The following DSCAM variants were observed in gnomAD, a reference collection of about 807,000 sequenced individuals.
DSCAM encodes DS cell adhesion molecule.
A neutral mutation model predicts 217.7 loss-of-function variants in DSCAM; 47 were observed. That is an observed-to-expected ratio of 0.22 (90% confidence interval 0.17 to 0.28). The LOEUF (loss-of-function observed/expected upper bound fraction) is 0.28. Among genes scored for constraint, DSCAM ranks in the 10% least tolerant of loss-of-function variants. The pLI is 1.00. For synonymous variants in DSCAM, 1,056 were observed against 1,015.3 expected (o/e 1.04, Z -0.76); for missense variants, 2,080 against 2,618.3 (o/e 0.79, Z 4.49).
chr21:40,429,846 C>T (rs997488155), intron 3 of DSCAM, among the ~76,000 whole-genome samples: 5 of 152,040 alleles, frequency 3.3e-5, no homozygotes, highest in South Asian at 2.1e-4. Context: ...CTATGCTGGG[C>T]GCTATTCCAG....
intron 3 of DSCAM, among the ~76,000 whole-genome samples, chr21:40,428,223 G>A (rs2075494568): frequency 6.6e-6 from 1 of 150,408 alleles, no homozygotes; most frequent in Non-Finnish European, 1.5e-5. Flanking sequence ...GTGACCATGA[G>A]GGCAAATACT....
chr21:40,511,629 C>T (rs1293769130), intron 3 of DSCAM, among the ~76,000 whole-genome samples: 1 of 152,040 alleles, frequency 6.6e-6, no homozygotes, highest in Admixed American at 6.6e-5. Context: ...AGTTACAACC[C>T]TGCACTTCCA....
At chr21:40,799,586 A>C (rs962205046) in intron 1 of DSCAM, among the ~76,000 whole-genome samples, 1 of 152,208 alleles carries the variant, frequency 6.6e-6, no homozygotes, top group Admixed American at 6.5e-5. Context: ...TTGAAGGAAC[A>C]TGGGGAATAT....
chr21:40,535,534 G>A (rs1568886093), intron 3 of DSCAM, among the ~76,000 whole-genome samples: 1 of 152,176 alleles, frequency 6.6e-6, no homozygotes. Context: ...TCCTACTGTA[G>A]AGACTCAACT....
chr21:40,414,052 G>T (rs2075348034), intron 3 of DSCAM, among the ~76,000 whole-genome samples: 1 of 152,164 alleles, frequency 6.6e-6, no homozygotes, highest in South Asian at 2.1e-4. Context: ...GAAAACGGAA[G>T]TGACCTTAGG....
intron 3 of DSCAM, among the ~76,000 whole-genome samples, chr21:40,498,375 AAT>A (rs1415960910): frequency 6.6e-6 from 1 of 151,844 alleles, no homozygotes; most frequent in Non-Finnish European, 1.5e-5. Context: ...TAAACAAAGC[AAT>A]GCGTATAAAA....
At chr21:40,329,864 G>A (rs1473058758) in intron 8 of DSCAM, among the ~76,000 whole-genome samples, 4 of 151,998 alleles carry the variant, frequency 2.6e-5, no homozygotes, top group African/African-American at 9.7e-5. Flanking sequence ...GTAGAAAGGA[G>A]AATGGTGGTT....
chr21:40,448,157 A>T, intron 3 of DSCAM, among the ~76,000 whole-genome samples: 1 of 152,198 alleles, frequency 6.6e-6, no homozygotes, highest in Non-Finnish European at 1.5e-5. Flanking sequence ...TAGCTGGTGA[A>T]ACATTAATTC....
Position 40,041,025 on chromosome 21 carries a change from C to T in DSCAM, c.5686+1346G>A, listed in dbSNP as rs570208258. Among the ~76,000 whole-genome samples, 6 of 152,250 alleles carry T rather than the reference C, an allele frequency of 3.9e-5. No individual in the cohort carries two copies. In the South Asian group the frequency reaches 1.0e-3, roughly 26 times the overall value. On this transcript the variant is annotated intron_variant, in intron 32 of 32. Transcript: ENST00000400454. ...AATGAAAATAAAGGAAGCCATCATT[C>T]TTTATTGGATGCTGGCATGAATCTT...
rs1345238968 is a variant in DSCAM at position 40,042,393 on chromosome 21, T to C, written c.5664A>G (p.Ala1888=). 1 of 1,614,094 alleles carries C rather than the reference T, an allele frequency of 6.2e-7. No homozygotes were observed. The highest frequency in any genetic ancestry group is 8.5e-7 in the Non-Finnish European group (1 of 1,179,974). ...TACCTGGCCGATGTGCCTTTGGAACTGCCATATTCATTACTCTTCCTCCAT... is the reference window on the plus strand; with the variant it reads ...TACCTGGCCGATGTGCCTTTGGAACCGCCATATTCATTACTCTTCCTCCAT... The part of the protein sequence containing the change: ...PQDGGRVMNM[A]VPKAHRPGDL... Residue 1888 remains alanine (A), a synonymous_variant, in exon 32 of 33, where the codon GCA becomes GCG. Transcript: ENST00000400454.
intron 1 of DSCAM, among the ~76,000 whole-genome samples, chr21:40,713,071 G>A (rs917145651): frequency 9.9e-5 from 15 of 152,230 alleles, no homozygotes; most frequent in Non-Finnish European, 2.1e-4. Flanking sequence ...GTCTCAAGAA[G>A]TGTCTTGTTC....
At chr21:40,746,269 G>C (rs150346065) in intron 1 of DSCAM, among the ~76,000 whole-genome samples, 638 of 151,218 alleles carry the variant, frequency 4.2e-3, no homozygotes, top group African/African-American at 0.014. Context: ...TGACTGAATG[G>C]ATTTTTAAAA....
At chr21:40,274,693 C>T (rs1467329739) in intron 11 of DSCAM, among the ~76,000 whole-genome samples, 1 of 152,152 alleles carries the variant, frequency 6.6e-6, no homozygotes. Context: ...ACATCATTTC[C>T]TCCAGAGCAT....
intron 11 of DSCAM, among the ~76,000 whole-genome samples, chr21:40,200,488 T>C (rs1439109819): frequency 6.6e-6 from 1 of 152,242 alleles, no homozygotes; most frequent in Non-Finnish European, 1.5e-5. Flanking sequence ...AATTTCCTTC[T>C]TTTCTAAGCC....
intron 11 of DSCAM, among the ~76,000 whole-genome samples, chr21:40,228,683 C>G (rs1402566147): frequency 3.4e-5 from 5 of 146,884 alleles, no homozygotes; most frequent in African/African-American, 1.3e-4. Flanking sequence ...TTTTCTAACT[C>G]TACAAGAAGT....
intron 3 of DSCAM, among the ~76,000 whole-genome samples, chr21:40,398,969 T>C (rs1343453094): frequency 6.6e-6 from 1 of 152,208 alleles, no homozygotes; most frequent in Admixed American, 6.5e-5. Flanking sequence ...GAATGAATGA[T>C]TCAGCCAAAT....
intron 11 of DSCAM, among the ~76,000 whole-genome samples, chr21:40,241,718 TAAG>T (rs1202584958): frequency 2.0e-5 from 3 of 152,288 alleles, no homozygotes; most frequent in African/African-American, 7.2e-5. Context: ...GAAGCACTAT[TAAG>T]AATAGAAAAG....
At chr21:40,101,963 A>T (rs561434301) in intron 20 of DSCAM, among the ~76,000 whole-genome samples, 2 of 152,262 alleles carry the variant, frequency 1.3e-5, no homozygotes, top group East Asian at 3.9e-4. Context: ...CATGCCTCGT[A>T]ATAGGAAGGG....
rs372640571 is a variant in DSCAM at position 40,347,779 on chromosome 21, G to A, written c.1101C>T (p.His367=). Reference sequence around the variant, plus strand: ...CCATGTGATCCATTATAAGGTTTTCGTGGTTGATCCCTGTGATCCTCACAT... The same window carrying A: ...CCATGTGATCCATTATAAGGTTTTCATGGTTGATCCCTGTGATCCTCACAT... The part of the protein sequence containing the change: ...GKNVRITGIN[H]ENLIMDHMVK... Residue 367 remains histidine, a synonymous_variant, in exon 6 of 33, where the codon CAC becomes CAT. Coordinates refer to ENST00000400454, the MANE Select transcript of DSCAM (RefSeq NM_001389.5). The A allele has an allele frequency of 2.0e-5, 33 of 1,614,180 alleles. No homozygotes were observed. The highest frequency in any genetic ancestry group is 1.1e-4 in the African/African-American group (8 of 75,052).
Sources: gnomAD v4.1 joint callset for allele counts (sites outside exome capture counted in the v4.1 genomes callset) on GRCh38, gnomAD v4.1.1 for gene constraint, MANE v1.5 for transcripts, NCBI Gene and HGNC (gene_info 2026-07-23, HGNC 2026-07-21) for gene names.